The following MFSD11 variants were observed in gnomAD, a reference collection of about 807,000 sequenced individuals.
The protein encoded by MFSD11 is major facilitator superfamily domain containing 11.
A neutral mutation model predicts 53.5 loss-of-function variants in MFSD11; 36 were observed. The ratio of observed to expected loss-of-function variants is 0.67; its 90% CI spans 0.52 to 0.89. The LOEUF is 0.89. Among genes scored for constraint, MFSD11 ranks in the 40% least tolerant of loss-of-function variants. MFSD11 has a pLI of 0.00. For missense variants in MFSD11, 530 were observed against 543.9 expected (o/e 0.97, Z 0.25); for synonymous variants, 186 against 184.9 (o/e 1.01, Z -0.05).
the MFSD11 span, among the ~76,000 whole-genome samples, chr17:76,799,954 C>CTTTTTTTTTTTTT: frequency 3.4e-5 from 3 of 87,314 alleles, no homozygotes; most frequent in African/African-American, 1.2e-4. Flanking sequence ...TTTTCTTTTT[C>CTTTTTTTTTTTTT]CTTTTTTTTT....
intron 8 of MFSD11, among the ~76,000 whole-genome samples, chr17:76,758,739 C>T (rs2079902281): frequency 2.0e-5 from 3 of 151,860 alleles, no homozygotes; most frequent in African/African-American, 4.8e-5. Flanking sequence ...ATAAACACTC[C>T]AGTAGAAAAG....
At chr17:76,767,825 G>A (rs2144758303) in intron 9 of MFSD11, among the ~76,000 whole-genome samples, 1 of 152,284 alleles carries the variant, frequency 6.6e-6, no homozygotes, top group Non-Finnish European at 1.5e-5. Flanking sequence ...GTCTAGCCCA[G>A]CATCACTTCT....
At chr17:76,758,210 AAAT>A (rs1434519077) in intron 8 of MFSD11, among the ~76,000 whole-genome samples, 1 of 152,212 alleles carries the variant, frequency 6.6e-6, no homozygotes, top group Non-Finnish European at 1.5e-5. Context: ...CTGCATAGAA[AAAT>A]AATATAGATC....
chr17:76,790,090 C>CT, the MFSD11 span, among the ~76,000 whole-genome samples: 19 of 89,742 alleles, frequency 2.1e-4, 2 homozygotes, highest in Non-Finnish European at 2.9e-4. Flanking sequence ...TTTTTTTTTT[C>CT]TTTTTTTTTG....
chr17:76,743,287 A>G (rs2078260997), intron 5 of MFSD11, 111 bp from the exon 6 acceptor site: 2 of 693,210 alleles, frequency 2.9e-6, no homozygotes, highest in East Asian at 6.2e-5. Flanking sequence ...TTTAAAAATG[A>G]TGTCCTTCTC....
chr17:76,742,313 T>C, intron 5 of MFSD11, 40 bp downstream of exon 5: 1 of 1,530,100 alleles, frequency 6.5e-7, no homozygotes, highest in Admixed American at 1.8e-5. Context: ...CTTTTCTTTC[T>C]TTTTTTTCTG....
chr17:76,740,817 T>C, intron 2 of MFSD11, 140 bp from the exon 3 acceptor site: 2 of 608,318 alleles, frequency 3.3e-6, no homozygotes, highest in Non-Finnish European at 5.8e-6. Context: ...AATTGAATGA[T>C]ATAACTATCA....
chr17:76,770,384 T>C lies in MFSD11; in HGVS notation c.874+513T>C, dbSNP rs541893286. Among the ~76,000 whole-genome samples the C allele has an allele frequency of 3.2e-4, 49 of 152,254 alleles. 1 individual carries two copies. The South Asian group carries it at 9.7e-3, about 30-fold the overall frequency. On this transcript the variant is annotated intron_variant, in intron 10 of 12. Transcript: ENST00000685175. The stretch of plus-strand genomic sequence containing the variant: ...ACTAAATTATAAAACATTTGCAAAA[T>C]AATTCACAGATGGAAACCCTGTGTA...
chr17:76,742,090 G>A (rs1327822571), intron 4 of MFSD11, 42 bp downstream of exon 4: 1 of 1,613,864 alleles, frequency 6.2e-7, no homozygotes, highest in Non-Finnish European at 8.5e-7. Context: ...TCTTTTCTGG[G>A]GCCTATCTAA....
downstream of MFSD11, among the ~76,000 whole-genome samples, chr17:76,780,335 T>TC (rs1219357211): frequency 6.6e-6 from 1 of 152,000 alleles, no homozygotes; most frequent in African/African-American, 2.4e-5. Context: ...GTTTTTTTTT[T>TC]CTTTTCAAAT....
intron 7 of MFSD11, among the ~76,000 whole-genome samples, chr17:76,747,771 C>T (rs2078683842): frequency 6.6e-6 from 1 of 152,140 alleles, no homozygotes; most frequent in Non-Finnish European, 1.5e-5. Context: ...CAAATGCCGC[C>T]CATCCCTGTT....
chr17:76,779,665 A>G (rs1358298485), downstream of MFSD11, among the ~76,000 whole-genome samples: 5 of 151,940 alleles, frequency 3.3e-5, no homozygotes, highest in Non-Finnish European at 7.4e-5. Flanking sequence ...TTGTATTTTT[A>G]GTAGAGATGG....
chr17:76,784,749 A>G (rs1229140761), downstream of MFSD11, among the ~76,000 whole-genome samples: 2 of 152,000 alleles, frequency 1.3e-5, no homozygotes, highest in Non-Finnish European at 2.9e-5. Flanking sequence ...AAATACAAAA[A>G]TTAGTTGGGT....
At position 76,778,502 on chromosome 17, in the gene MFSD11, G is replaced by T; in HGVS notation, c.*150G>T. ...TAAGACTGTTAAATCAGCCAGAGTT[G>T]GTGTTCAAGTTTACAGATATGAGTT... On this transcript the variant is annotated 3_prime_UTR_variant, in exon 13 of 13. Transcript: ENST00000685175. 1 of 703,978 alleles carries T rather than the reference G, an allele frequency of 1.4e-6. No homozygotes were observed. Among genetic ancestry groups the T allele is most frequent in the Non-Finnish European group, 2.3e-6 (1 of 437,020 alleles). The allele number at this position is 703,978 out of a possible 1,614,324, so 43.6% of individuals were successfully genotyped here. A position where few individuals can be genotyped will look rare whatever the true frequency, so the allele number is the denominator to read the frequency against.
intron 7 of MFSD11, among the ~76,000 whole-genome samples, chr17:76,751,649 A>G (rs1298866787): frequency 2.0e-5 from 3 of 151,564 alleles, no homozygotes; most frequent in Non-Finnish European, 2.9e-5. Flanking sequence ...ACACTGAGCC[A>G]TGATTGTGCC....
At chr17:76,763,433 G>C (rs991138709) in intron 8 of MFSD11, among the ~76,000 whole-genome samples, 1 of 151,790 alleles carries the variant, frequency 6.6e-6, no homozygotes, top group African/African-American at 2.4e-5. Context: ...CCGGCTAACT[G>C]TTATATTTTT....
At chr17:76,762,452 A>C (rs924933967) in intron 8 of MFSD11, among the ~76,000 whole-genome samples, 6 of 152,110 alleles carry the variant, frequency 3.9e-5, no homozygotes, top group Non-Finnish European at 5.9e-5. Flanking sequence ...TGCTGTAAAC[A>C]GTTGGAGATG....
At chr17:76,783,999 G>A (rs1598821726), downstream of MFSD11, among the ~76,000 whole-genome samples, 2 of 152,006 alleles carry the variant, frequency 1.3e-5, no homozygotes, top group Admixed American at 1.3e-4. Context: ...TGGCAAGGAT[G>A]TGGAGAAATT....
chr17:76,794,538 A>T, the MFSD11 span, among the ~76,000 whole-genome samples: 9 of 143,986 alleles, frequency 6.3e-5, 1 homozygote, highest in Non-Finnish European at 9.0e-5. Context: ...GCTATTTAGG[A>T]GGCTGAGGCA....
Sources: allele counts gnomAD v4.1 joint callset (sites outside exome capture counted in the v4.1 genomes callset), GRCh38; gene constraint gnomAD v4.1.1; transcripts MANE v1.5; gene names NCBI Gene and HGNC (gene_info 2026-07-23, HGNC 2026-07-21).